DCC: variants seen among roughly 807,000 people sequenced by gnomAD.
DCC encodes netrin receptor DCC.
Under a neutral mutation model 172.5 loss-of-function variants are expected in DCC, and 58 were observed. That is an observed-to-expected ratio of 0.34 (90% CI 0.27 to 0.42). The LOEUF (loss-of-function observed/expected upper bound fraction) is 0.42. Ranked by LOEUF, DCC falls within the 10% of genes least tolerant of loss-of-function variation. DCC has a pLI of 1.00. For synonymous variants in DCC, 709 were observed against 644.5 expected, an observed-to-expected ratio of 1.10 and a Z score of -1.52; for missense variants, 1,740 against 1,791.0, an observed-to-expected ratio of 0.97 and a Z score of 0.51.
intron 27 of DCC, among the ~76,000 whole-genome samples, chr18:53,502,821 ATTCCTGTGTGTGAATTTGCTT>A (rs1377326057): frequency 2.0e-5 from 3 of 151,778 alleles, no homozygotes; most frequent in African/African-American, 7.3e-5. Context: ...CCCCACTCAA[ATTCCTGTGTGTGAATTTGCTT>A]TTTTTTTTAA....
intron 5 of DCC, among the ~76,000 whole-genome samples, chr18:52,928,243 G>A (rs8097596): frequency 6.6e-6 from 1 of 152,058 alleles, no homozygotes; most frequent in Non-Finnish European, 1.5e-5. Context: ...TGTGTCCTTA[G>A]GTACTTGATG....
At chr18:53,173,770 C>A (rs545524675) in intron 8 of DCC, among the ~76,000 whole-genome samples, 105 of 143,272 alleles carry the variant, frequency 7.3e-4, no homozygotes, top group African/African-American at 2.5e-3. Context: ...GACAGATCAA[C>A]GAGACAGAAA....
At chr18:53,298,598 T>G (rs1399012127) in intron 12 of DCC, among the ~76,000 whole-genome samples, 1 of 103,228 alleles carries the variant, frequency 9.7e-6, no homozygotes, top group Non-Finnish European at 2.0e-5. Context: ...AGCAAAACAA[T>G]AATTGGAAAT....
chr18:52,989,623 GAATA>G (rs1251562913), intron 5 of DCC, among the ~76,000 whole-genome samples: 1 of 152,106 alleles, frequency 6.6e-6, no homozygotes, highest in Non-Finnish European at 1.5e-5. Flanking sequence ...CTTGAAAATA[GAATA>G]AATATAGATA....
intron 2 of DCC, among the ~76,000 whole-genome samples, chr18:52,869,785 G>C (rs576834765): frequency 1.3e-5 from 2 of 152,182 alleles, no homozygotes; most frequent in African/African-American, 4.8e-5. Flanking sequence ...GTGACAGCCC[G>C]GGCTTGGCCC....
At position 52,739,497 on chromosome 18, in the gene DCC, C is replaced by A. The variant is rs533556682; in HGVS notation, c.92-12557C>A. On this transcript the variant is annotated intron_variant, in intron 1 of 28. Coordinates refer to ENST00000442544, the MANE Select transcript of DCC (RefSeq NM_005215.4). ...AGGTAGAAATTCTCAAAAATATGATCTGCAACAGGAAGATCAGAGCCACAA... is the reference window on the plus strand; with the variant it reads ...AGGTAGAAATTCTCAAAAATATGATATGCAACAGGAAGATCAGAGCCACAA... Among the ~76,000 whole-genome samples the A allele has an allele frequency of 5.9e-5, 9 of 152,222 alleles. No individual in the cohort carries two copies. The East Asian group carries it at 1.5e-3, about 26-fold the overall frequency.
intron 1 of DCC, among the ~76,000 whole-genome samples, chr18:52,457,560 T>A (rs1006902831): frequency 6.6e-6 from 1 of 152,162 alleles, no homozygotes; most frequent in East Asian, 1.9e-4. Context: ...GGGTTTTATG[T>A]CAGTATCATA....
chr18:52,649,973 A>ATTTTTTTTTTTTTTTTTTTT (rs71175512), intron 1 of DCC, among the ~76,000 whole-genome samples: 1 of 106,928 alleles, frequency 9.4e-6, no homozygotes, highest in Non-Finnish European at 1.8e-5. Context: ...TGATAGTTCT[A>ATTTTTTTTTTTTTTTTTTTT]TTTTTTTTTT....
At chr18:53,450,788 C>G in intron 23 of DCC, 126 bp downstream of exon 23, 1 of 828,914 alleles carries the variant, frequency 1.2e-6, no homozygotes, top group Non-Finnish European at 2.0e-6. Flanking sequence ...CTGGCAAAAC[C>G]TTGCGTTTTG....
At position 53,492,887 on chromosome 18, in the gene DCC, G is replaced by A. The variant is rs112085789; in HGVS notation, c.3898+5929G>A. ...GTCAATGGTAGCCTGATGGGGTAGC[G>A]TTGAATCTATAAATTATTTTGGGCA... is the stretch of plus-strand genomic sequence containing the variant. On this transcript the variant is annotated intron_variant, in intron 26 of 28. Coordinates refer to ENST00000442544, the MANE Select transcript of DCC (RefSeq NM_005215.4). Among the ~76,000 whole-genome samples, 1,483 of 152,162 alleles carry A rather than the reference G, an allele frequency of 9.7e-3. 18 individuals are homozygous for A. Among genetic ancestry groups the A allele is most frequent in the African/African-American group, 0.033 (1,375 of 41,510 alleles).
intron 1 of DCC, among the ~76,000 whole-genome samples, chr18:52,556,427 G>A (rs1236169506): frequency 6.6e-6 from 1 of 152,054 alleles, no homozygotes; most frequent in Admixed American, 6.6e-5. Flanking sequence ...TAGATAGAGT[G>A]GTCATAGCTT....
chr18:53,469,041 T>C (rs1206543580), intron 25 of DCC, among the ~76,000 whole-genome samples: 1 of 152,212 alleles, frequency 6.6e-6, no homozygotes, highest in Non-Finnish European at 1.5e-5. Context: ...CCTTATTAGT[T>C]CCCTGCTCAC....
At chr18:53,202,707 G>A (rs886454881) in intron 9 of DCC, among the ~76,000 whole-genome samples, 4 of 152,130 alleles carry the variant, frequency 2.6e-5, no homozygotes, top group Non-Finnish European at 4.4e-5. Flanking sequence ...GCTTGGCCAA[G>A]TACTCAGTTC....
At chr18:52,416,881 G>T (rs12458177) in intron 1 of DCC, among the ~76,000 whole-genome samples, 21,241 of 150,746 alleles carry the variant, frequency 0.14, 1,776 homozygotes, top group Admixed American at 0.2. Flanking sequence ...CATTTAAAGT[G>T]AATATTGTTA....
chr18:52,769,931 C>T (rs2037313212), intron 2 of DCC, among the ~76,000 whole-genome samples: 1 of 152,056 alleles, frequency 6.6e-6, no homozygotes, highest in African/African-American at 2.4e-5. Flanking sequence ...TATTTCTTTC[C>T]ATGTCTATTA....
At position 53,435,100 on chromosome 18, in the gene DCC, G is replaced by T. The variant is rs1017420539; in HGVS notation, c.3164-44G>T. 4 of 1,376,464 alleles carry T rather than the reference G, an allele frequency of 2.9e-6. No homozygotes were observed. The African/African-American group carries it at 5.7e-5, about 20-fold the overall frequency. The allele number at this position is 1,376,464 out of a possible 1,614,324, so 85.3% of individuals were successfully genotyped here. A position where few individuals can be genotyped will look rare whatever the true frequency, so the allele number is the denominator to read the frequency against. ...TATTTATTCTTTTTGTCTTCATTTTGTTTCATTTGTACTGACATTGTGACA... is the reference window on the plus strand; with the variant it reads ...TATTTATTCTTTTTGTCTTCATTTTTTTTCATTTGTACTGACATTGTGACA... On this transcript the variant is annotated intron_variant, in intron 21 of 28. Transcript: ENST00000442544.
At chr18:52,742,342 G>T (rs943821034) in intron 1 of DCC, among the ~76,000 whole-genome samples, 10 of 151,998 alleles carry the variant, frequency 6.6e-5, no homozygotes, top group African/African-American at 2.4e-4. Flanking sequence ...TTCTTCTATA[G>T]CACTTAGTCT....
chr18:53,269,207 G>A (rs755331448), intron 12 of DCC, among the ~76,000 whole-genome samples: 9 of 152,140 alleles, frequency 5.9e-5, no homozygotes, highest in East Asian at 1.9e-4. Flanking sequence ...AATAACTAGC[G>A]TATTCTTTAT....
chr18:52,837,145 G>T (rs1422088924), intron 2 of DCC, among the ~76,000 whole-genome samples: 1 of 152,174 alleles, frequency 6.6e-6, no homozygotes. Context: ...AGCAGGAGGG[G>T]CTCTGGGTTG....
Sources: allele counts gnomAD v4.1 joint callset (sites outside exome capture counted in the v4.1 genomes callset), GRCh38; gene constraint gnomAD v4.1.1; transcripts MANE v1.5; gene names NCBI Gene and HGNC (gene_info 2026-07-23, HGNC 2026-07-21).